PRKCE: variants seen among roughly 807,000 people sequenced by gnomAD.
PRKCE encodes protein kinase C epsilon, also known as protein kinase C epsilon type.
In PRKCE, 16 loss-of-function variants were observed where a neutral mutation model predicts 85.4. That is an observed-to-expected ratio of 0.19 (90% CI 0.13 to 0.28). The LOEUF is 0.28. Among genes scored for constraint, PRKCE ranks in the 10% least tolerant of loss-of-function variants. The pLI, the probability that PRKCE is intolerant of heterozygous loss-of-function variation, is 1.00. For missense variants in PRKCE, 573 were observed against 975.2 expected (o/e 0.59, Z 5.49); for synonymous variants, 388 against 371.5 (o/e 1.04, Z -0.51).
intron 1 of PRKCE, among the ~76,000 whole-genome samples, chr2:45,809,125 A>T (rs145289286): frequency 3.9e-4 from 59 of 152,278 alleles, no homozygotes; most frequent in African/African-American, 1.4e-3. Flanking sequence ...GGGACTGGTC[A>T]TCTAGACTAG....
chr2:46,117,296 T>C (rs1434342547), intron 11 of PRKCE, among the ~76,000 whole-genome samples: 1 of 152,276 alleles, frequency 6.6e-6, no homozygotes, highest in Non-Finnish European at 1.5e-5. Context: ...TTACATTGAA[T>C]ACATCTACAT....
At chr2:46,092,190 A>G (rs1670230139) in intron 11 of PRKCE, among the ~76,000 whole-genome samples, 1 of 152,262 alleles carries the variant, frequency 6.6e-6, no homozygotes, top group Admixed American at 6.5e-5. Flanking sequence ...ACTGTGATAG[A>G]GGATATGAAA....
At chr2:45,739,986 G>C (rs1477135810) in intron 1 of PRKCE, among the ~76,000 whole-genome samples, 1 of 152,128 alleles carries the variant, frequency 6.6e-6, no homozygotes, top group African/African-American at 2.4e-5. Context: ...CTAATATCAA[G>C]AACAAGAAAC....
At chr2:45,720,173 A>G (rs922216953) in intron 1 of PRKCE, among the ~76,000 whole-genome samples, 2 of 152,184 alleles carry the variant, frequency 1.3e-5, no homozygotes, top group Non-Finnish European at 2.9e-5. Context: ...GAGGAACTGT[A>G]GCAAGGTGCA....
Position 45,733,985 on chromosome 2 carries a change from C to T in PRKCE, c.348+81537C>T, listed in dbSNP as rs991435053. Among the ~76,000 whole-genome samples, 6 of 152,356 alleles carry T rather than the reference C, an allele frequency of 3.9e-5. No individual in the cohort carries two copies. The South Asian group carries it at 8.3e-4, about 21-fold the overall frequency. On this transcript the variant is annotated intron_variant, in intron 1 of 14. Coordinates refer to ENST00000306156, the MANE Select transcript of PRKCE (RefSeq NM_005400.3). ...CTCCTGGAAGGCAGGGGCCATCTCA[C>T]ACTTTTTATATCTGCTGTATAGCAG... is the stretch of plus-strand genomic sequence containing the variant.
rs561787521 is a variant in PRKCE, at chr2:45,746,845, C to T, written c.348+94397C>T. On this transcript the variant is annotated intron_variant, in intron 1 of 14. Transcript: ENST00000306156. ...TCTCCAAGGACACAGACTTCCTTAT[C>T]GTCTCAGGAACATGTCATTGCATTC... is the stretch of plus-strand genomic sequence containing the variant. 1.1e-4 allele frequency among the ~76,000 whole-genome samples: 16 copies of T among 152,290 alleles called. No individual in the cohort carries two copies. In the South Asian group the frequency reaches 3.1e-3, roughly 30 times the overall value.
intron 1 of PRKCE, among the ~76,000 whole-genome samples, chr2:45,808,962 CT>C (rs1414131135): frequency 6.6e-6 from 1 of 152,140 alleles, no homozygotes; most frequent in Non-Finnish European, 1.5e-5. Context: ...TCCTAAATTA[CT>C]ACTGTACCCG....
At chr2:45,943,700 A>C (rs1449532279) in intron 2 of PRKCE, among the ~76,000 whole-genome samples, 2 of 152,176 alleles carry the variant, frequency 1.3e-5, no homozygotes, top group African/African-American at 4.8e-5. Flanking sequence ...AGGATATAAC[A>C]AATGTCAGCT....
rs558903602 is a variant in PRKCE at position 45,837,818 on chromosome 2, C to A, written c.349-5182C>A. ...GGGCCCAGGAGTTTCAGGCTGCAGC[C>A]ATGACGGCACCACTTCACTCCAGCC... On this transcript the variant is annotated intron_variant, in intron 1 of 14. Coordinates refer to ENST00000306156, the MANE Select transcript of PRKCE (RefSeq NM_005400.3). 5.3e-5 allele frequency among the ~76,000 whole-genome samples: 8 copies of A among 152,224 alleles called. No homozygotes were observed. In the South Asian group the frequency reaches 1.0e-3, roughly 20 times the overall value.
At chr2:46,173,345 C>T (rs947597692) in intron 14 of PRKCE, among the ~76,000 whole-genome samples, 1 of 152,194 alleles carries the variant, frequency 6.6e-6, no homozygotes, top group African/African-American at 2.4e-5. Flanking sequence ...CTCACCACAT[C>T]TAAAATATTT....
At chr2:46,010,554 G>A (rs775529247) in intron 10 of PRKCE, 37 bp downstream of exon 10, 2 of 1,597,832 alleles carry the variant, frequency 1.3e-6, no homozygotes, top group African/African-American at 1.3e-5. Flanking sequence ...GCCATGTTGG[G>A]GCATCTTGAC....
chr2:45,845,230 G>T (rs1240226490), intron 2 of PRKCE, among the ~76,000 whole-genome samples: 2 of 151,968 alleles, frequency 1.3e-5, no homozygotes, highest in African/African-American at 4.8e-5. Context: ...TAGCCTGGAG[G>T]GGGTTTTGGA....
intron 2 of PRKCE, among the ~76,000 whole-genome samples, chr2:45,909,946 C>G (rs1385164804): frequency 6.6e-6 from 1 of 152,138 alleles, no homozygotes; most frequent in Non-Finnish European, 1.5e-5. Flanking sequence ...CTACTGCCTT[C>G]TCCCTCAAAT....
chr2:45,827,106 C>T (rs926684425), intron 1 of PRKCE, among the ~76,000 whole-genome samples: 13 of 152,228 alleles, frequency 8.5e-5, no homozygotes, highest in Non-Finnish European at 1.5e-4. Flanking sequence ...GGCTCTCTGA[C>T]CTCATCTCCA....
chr2:45,915,486 T>G (rs545480779), intron 2 of PRKCE, among the ~76,000 whole-genome samples: 1 of 152,326 alleles, frequency 6.6e-6, no homozygotes, highest in Admixed American at 6.5e-5. Context: ...CAGTGAACCC[T>G]AAAGAATTCA....
intron 6 of PRKCE, among the ~76,000 whole-genome samples, chr2:45,998,967 T>A (rs1704446074): frequency 6.6e-6 from 1 of 152,178 alleles, no homozygotes; most frequent in Non-Finnish European, 1.5e-5. Flanking sequence ...AACAAAATTA[T>A]CCTAATTCCT....
At chr2:45,920,961 C>G (rs1336399027) in intron 2 of PRKCE, among the ~76,000 whole-genome samples, 1 of 152,194 alleles carries the variant, frequency 6.6e-6, no homozygotes, top group Admixed American at 6.5e-5. Context: ...TGTTGCTCCC[C>G]CATTTTCATA....
chr2:45,861,431 C>A (rs1428347872), intron 2 of PRKCE, among the ~76,000 whole-genome samples: 2 of 151,844 alleles, frequency 1.3e-5, no homozygotes, highest in Admixed American at 1.3e-4. Context: ...GTTTTACAAC[C>A]CATGTATTAG....
chr2:45,969,115 T>C (rs1423403473), intron 2 of PRKCE, among the ~76,000 whole-genome samples: 5 of 138,390 alleles, frequency 3.6e-5, no homozygotes. Context: ...GGAGAAACCA[T>C]CCCTGGAATG....
Sources: gnomAD v4.1 joint callset for allele counts (sites outside exome capture counted in the v4.1 genomes callset) on GRCh38, gnomAD v4.1.1 for gene constraint, MANE v1.5 for transcripts, NCBI Gene and HGNC (gene_info 2026-07-23, HGNC 2026-07-21) for gene names.